LOC128462377: variants seen among roughly 807,000 people sequenced by gnomAD.
chr16:89,363,142 A>C, the LOC128462377 span, among the ~76,000 whole-genome samples: 1 of 152,322 alleles, frequency 6.6e-6, no homozygotes, highest in South Asian at 2.1e-4. Flanking sequence ...CAAGCATTTC[A>C]AACAGCTGGG....
chr16:89,368,393 T>G, the LOC128462377 span, among the ~76,000 whole-genome samples: 68 of 140,776 alleles, frequency 4.8e-4, no homozygotes, highest in Middle Eastern at 3.6e-3. Context: ...TTTTTTTTTT[T>G]TTTTTTTTTA....
chr16:89,387,134 G>A, the LOC128462377 span, among the ~76,000 whole-genome samples: 2 of 152,090 alleles, frequency 1.3e-5, no homozygotes, highest in Non-Finnish European at 2.9e-5. Context: ...GGTGGGAGAG[G>A]TAGGTCACAC....
the LOC128462377 span, among the ~76,000 whole-genome samples, chr16:89,401,041 C>T: frequency 6.6e-6 from 1 of 152,208 alleles, no homozygotes; most frequent in Non-Finnish European, 1.5e-5. Context: ...AAATCCACAA[C>T]ACGCTGGCCC....
the LOC128462377 span, among the ~76,000 whole-genome samples, chr16:89,339,412 G>A: frequency 1.3e-5 from 2 of 152,144 alleles, no homozygotes; most frequent in Non-Finnish European, 1.5e-5. Context: ...AAAGCTGGTC[G>A]GTAGCATCAC....
the LOC128462377 span, among the ~76,000 whole-genome samples, chr16:89,331,081 G>A: frequency 6.6e-6 from 1 of 152,074 alleles, no homozygotes; most frequent in African/African-American, 2.4e-5. Context: ...AGCCTCCTGA[G>A]TAGCTGGGAC....
the LOC128462377 span, among the ~76,000 whole-genome samples, chr16:89,327,208 TAAA>T: frequency 6.6e-6 from 1 of 152,234 alleles, no homozygotes; most frequent in Admixed American, 6.5e-5. Context: ...GCCAACAAGC[TAAA>T]GAAGAAACAC....
chr16:89,323,438 TGAGCCGAGGGCAGGGGGGCA>T, the LOC128462377 span: 21,452 of 456,538 alleles, frequency 0.047, 4,814 homozygotes, highest in African/African-American at 0.089. Context: ...GCAGGGGGGC[TGAGCCGAGGGCAGGGGGGCA>T]GAGCCGAGGG....
chr16:89,365,229 TG>T, the LOC128462377 span, among the ~76,000 whole-genome samples: 2 of 152,246 alleles, frequency 1.3e-5, no homozygotes, highest in Non-Finnish European at 2.9e-5. Flanking sequence ...GTTCCAGAGC[TG>T]GTTTTTGTAG....
chr16:89,415,468 G>C, the LOC128462377 span, among the ~76,000 whole-genome samples: 6 of 147,370 alleles, frequency 4.1e-5, no homozygotes, highest in Non-Finnish European at 8.9e-5. Flanking sequence ...GTTTCACCGT[G>C]TTAGCCAGGA....
chr16:89,348,568 C>T, the LOC128462377 span, among the ~76,000 whole-genome samples: 1 of 152,268 alleles, frequency 6.6e-6, no homozygotes, highest in African/African-American at 2.4e-5. Flanking sequence ...AGTCAGTCAT[C>T]CGGGACTGAA....
At chr16:89,344,113 T>C in the LOC128462377 span, among the ~76,000 whole-genome samples, 7 of 152,254 alleles carry the variant, frequency 4.6e-5, no homozygotes, top group African/African-American at 1.2e-4. Context: ...TCCTCATCTA[T>C]AGGCTGGGAA....
chr16:89,382,088 G>A, the LOC128462377 span, among the ~76,000 whole-genome samples: 2 of 152,208 alleles, frequency 1.3e-5, no homozygotes, highest in Admixed American at 6.5e-5. Context: ...CCAGGCAGGC[G>A]CCACCAGAAC....
chr16:89,341,241 A>C, the LOC128462377 span, among the ~76,000 whole-genome samples: 2 of 152,264 alleles, frequency 1.3e-5, no homozygotes, highest in Non-Finnish European at 2.9e-5. Flanking sequence ...CATGGCAAGC[A>C]GACCCGGTTT....
At chr16:89,344,949 G>A in the LOC128462377 span, among the ~76,000 whole-genome samples, 1 of 152,214 alleles carries the variant, frequency 6.6e-6, no homozygotes, top group African/African-American at 2.4e-5. Flanking sequence ...AGAATGGTTG[G>A]CAGAACTGAA....
chr16:89,356,202 G>T, the LOC128462377 span, among the ~76,000 whole-genome samples: 3 of 152,202 alleles, frequency 2.0e-5, no homozygotes, highest in South Asian at 6.2e-4. Flanking sequence ...AACATTTATA[G>T]GTTACAAACA....
the LOC128462377 span, among the ~76,000 whole-genome samples, chr16:89,410,969 G>A: frequency 1.2e-4 from 19 of 152,260 alleles, no homozygotes; most frequent in Non-Finnish European, 2.2e-4. Context: ...TGTTCAGGCT[G>A]CCCGGCCTCC....
the LOC128462377 span, among the ~76,000 whole-genome samples, chr16:89,384,539 T>C: frequency 2.9e-5 from 1 of 34,544 alleles, no homozygotes; most frequent in African/African-American, 1.0e-4. Flanking sequence ...GGGATGGGAC[T>C]GGGATGGGAT....
chr16:89,378,507 T>C, the LOC128462377 span, among the ~76,000 whole-genome samples: 1 of 152,168 alleles, frequency 6.6e-6, no homozygotes, highest in Non-Finnish European at 1.5e-5. Flanking sequence ...AGCAAAAACG[T>C]AGAGCTTTAA....
At chr16:89,406,628 C>A in the LOC128462377 span, among the ~76,000 whole-genome samples, 1 of 152,160 alleles carries the variant, frequency 6.6e-6, no homozygotes, top group Non-Finnish European at 1.5e-5. Flanking sequence ...AGGCCCAGGG[C>A]AGGACATCAG....
Sources: gnomAD v4.1 joint callset for allele counts (sites outside exome capture counted in the v4.1 genomes callset) on GRCh38, gnomAD v4.1.1 for gene constraint, MANE v1.5 for transcripts.